The following DMD variants were observed in gnomAD, a reference collection of about 807,000 sequenced individuals.
DMD encodes dystrophin, also known as mutant dystrophin.
Under a neutral mutation model 330.1 loss-of-function variants are expected in DMD, and 63 were observed. That is an observed-to-expected ratio of 0.19 (90% CI 0.16 to 0.24). The LOEUF (loss-of-function observed/expected upper bound fraction) is 0.24, where lower values mean the gene tolerates loss of function less well. Among genes scored for constraint, DMD ranks in the 10% least tolerant of loss-of-function variants. The pLI, the probability that DMD is intolerant of heterozygous loss-of-function variation, is 1.00. For missense variants in DMD, 3,344 were observed against 2,684.1 expected (o/e 1.25, Z -5.43); for synonymous variants, 1,223 against 959.8 (o/e 1.27, Z -5.07).
chrX:31,506,174 C>A (rs1481163900), intron 56 of DMD, among the ~76,000 whole-genome samples: 1 of 111,773 alleles, frequency 8.9e-6, no homozygotes, highest in African/African-American at 3.3e-5. Context: ...TTGATGCAGA[C>A]ATTTACAATA....
rs146483546 is a variant in DMD, at chrX:33,125,729, A to G, written c.31+85553T>C. ...AGTTTTTTCATAGTTTCAGTTTTCA[A>G]ACTGTGGCTTTGGTAAGGTAAGTTG... On this transcript the variant is annotated intron_variant, in intron 1 of 78. Coordinates refer to ENST00000357033, the MANE Select transcript of DMD (RefSeq NM_004006.3). Among the ~76,000 whole-genome samples, 477 of 111,912 alleles carry G rather than the reference A, an allele frequency of 4.3e-3. 3 individuals carry two copies. Among genetic ancestry groups the G allele is most frequent in the African/African-American group, 0.015 (459 of 30,924 alleles).
chrX:32,620,893 C>T (rs942456834), intron 11 of DMD, among the ~76,000 whole-genome samples: 13 of 111,754 alleles, frequency 1.2e-4, no homozygotes, highest in Non-Finnish European at 2.3e-4. Context: ...ACAGTGTCCT[C>T]GCAGAACACA....
intron 42 of DMD, among the ~76,000 whole-genome samples, chrX:32,303,934 G>A (rs1404590448): frequency 9.0e-6 from 1 of 110,701 alleles, no homozygotes; most frequent in Non-Finnish European, 1.9e-5. Flanking sequence ...TATTAACTAG[G>A]TTTTACGGAG....
chrX:31,298,868 A>G (rs2054405337), intron 62 of DMD, among the ~76,000 whole-genome samples: 1 of 112,298 alleles, frequency 8.9e-6, no homozygotes, highest in Non-Finnish European at 1.9e-5. Flanking sequence ...AAAAAATTCT[A>G]TGTAGACTTA....
intron 1 of DMD, among the ~76,000 whole-genome samples, chrX:33,321,926 C>T (rs2054021683): frequency 8.9e-6 from 1 of 111,806 alleles, no homozygotes; most frequent in African/African-American, 3.3e-5. Context: ...CTGCTAGCTT[C>T]CAACTTTTCT....
intron 18 of DMD, among the ~76,000 whole-genome samples, chrX:32,507,537 T>C (rs1187955551): frequency 2.7e-5 from 3 of 111,722 alleles, no homozygotes; most frequent in Non-Finnish European, 5.6e-5. Context: ...ACCTTTAATA[T>C]CTTGTTAACC....
chrX:31,373,905 T>A (rs77085584), intron 60 of DMD, among the ~76,000 whole-genome samples: 50,587 of 108,029 alleles, frequency 0.47, 8,862 homozygotes, highest in South Asian at 0.61. Context: ...GGGAGAAAAA[T>A]TTTCGCAACC....
intron 7 of DMD, among the ~76,000 whole-genome samples, chrX:32,734,666 C>T (rs1458783221): frequency 1.8e-5 from 2 of 109,086 alleles, no homozygotes; most frequent in Non-Finnish European, 3.8e-5. Context: ...ACAAAAACCA[C>T]ATGATTATCT....
In DMD at chrX:32,404,727, T is replaced by C. The variant is rs2098107802; in HGVS notation, c.4233+7025A>G. Among the ~76,000 whole-genome samples, 2 of 111,571 alleles carry C rather than the reference T, an allele frequency of 1.8e-5. 1 individual carries two copies. Among genetic ancestry groups the C allele is most frequent in the Admixed American group, 1.9e-4 (2 of 10,425 alleles). ...GAAAGTATCTTTGTAATTTTAAAAA[T>C]TGCAAGACATTTAAGTAGCTATTTA... On this transcript the variant is annotated intron_variant, in intron 30 of 78. Transcript: ENST00000357033.
intron 52 of DMD, among the ~76,000 whole-genome samples, chrX:31,701,048 T>C (rs2083771419): frequency 8.9e-6 from 1 of 112,409 alleles, no homozygotes; most frequent in Non-Finnish European, 1.9e-5. Flanking sequence ...ACCATTATAA[T>C]TCTAGCACCA....
intron 54 of DMD, among the ~76,000 whole-genome samples, chrX:31,636,353 GA>G (rs2079416793): frequency 9.0e-6 from 1 of 111,716 alleles, no homozygotes; most frequent in Non-Finnish European, 1.9e-5. Flanking sequence ...TAAAAGTTAA[GA>G]AAAAGCCATT....
rs755396678 is a variant in DMD, at chrX:31,355,798, T to C, written c.9085-7164A>G. Among the ~76,000 whole-genome samples the C allele has an allele frequency of 8.7e-4, 95 of 109,626 alleles. 1 individual carries two copies. Among genetic ancestry groups the C allele is most frequent in the African/African-American group, 2.9e-3 (88 of 30,080 alleles). ...TTTCAGTTAAAATCCTTTTAACTAA[T>C]GGTAATCCCTTTCAGTTAAAATCCA... On this transcript the variant is annotated intron_variant, in intron 60 of 78. Coordinates refer to ENST00000357033, the MANE Select transcript of DMD (RefSeq NM_004006.3).
chrX:32,147,863 C>T (rs1056777949), intron 44 of DMD, among the ~76,000 whole-genome samples: 1 of 103,998 alleles, frequency 9.6e-6, no homozygotes, highest in African/African-American at 3.5e-5. Flanking sequence ...TGTATACACT[C>T]AAAAAAATTT....
chrX:33,164,553 G>A (rs747032751), intron 1 of DMD, among the ~76,000 whole-genome samples: 6 of 111,915 alleles, frequency 5.4e-5, no homozygotes, highest in Admixed American at 9.5e-5. Flanking sequence ...AAGAAGAATC[G>A]TGTGTCTATA....
At position 32,019,143 on chromosome X, in the gene DMD, A is replaced by G. The variant is rs2095789371; in HGVS notation, c.6439-50629T>C. Among the ~76,000 whole-genome samples, 3 of 109,443 alleles carry G rather than the reference A, an allele frequency of 2.7e-5. No homozygotes were observed. In the South Asian group the frequency reaches 1.2e-3, roughly 43 times the overall value. On this transcript the variant is annotated intron_variant, in intron 44 of 78. Transcript: ENST00000357033. ...TTTTTTTCTTTTATAAAGTAAAAAT[A>G]ATTTCAAAAATCATATTGTTCTCTT... is the stretch of plus-strand genomic sequence containing the variant.
intron 54 of DMD, among the ~76,000 whole-genome samples, chrX:31,652,451 T>A (rs1356052031): frequency 8.9e-6 from 1 of 111,939 alleles, no homozygotes; most frequent in East Asian, 2.8e-4. Context: ...TACCAATTAC[T>A]GGGCCTACCT....
At chrX:31,327,517 G>T (rs1331339584) in intron 61 of DMD, among the ~76,000 whole-genome samples, 2 of 112,116 alleles carry the variant, frequency 1.8e-5, no homozygotes, top group African/African-American at 6.5e-5. Flanking sequence ...TAAAAAGAAT[G>T]CTAATGTTAT....
At chrX:32,010,766 C>T (rs754858913) in intron 44 of DMD, among the ~76,000 whole-genome samples, 4 of 111,984 alleles carry the variant, frequency 3.6e-5, no homozygotes, top group African/African-American at 6.5e-5. Flanking sequence ...ATCACCATGA[C>T]GGTATTATCC....
intron 44 of DMD, among the ~76,000 whole-genome samples, chrX:32,044,265 T>C (rs942940511): frequency 9.0e-6 from 1 of 110,551 alleles, no homozygotes; most frequent in Non-Finnish European, 1.9e-5. Flanking sequence ...TTGTGGCTCA[T>C]GAGAAGTTTA....
Sources: gnomAD v4.1 joint callset for allele counts (sites outside exome capture counted in the v4.1 genomes callset) on GRCh38, gnomAD v4.1.1 for gene constraint, MANE v1.5 for transcripts, NCBI Gene and HGNC (gene_info 2026-07-23, HGNC 2026-07-21) for gene names.